Variants in RGS5 observed in about 807,000 individuals in gnomAD.
RGS5 encodes the protein regulator of G-protein signalling 5.
In RGS5, 20 loss-of-function variants were observed where a neutral mutation model predicts 18.9. The ratio of observed to expected loss-of-function variants is 1.06; its 90% CI spans 0.74 to 1.54. RGS5 has a LOEUF of 1.54. RGS5 is among the 40% of genes most tolerant of loss of function. RGS5 has a pLI of 0.00. For missense variants in RGS5, 201 were observed against 211.8 expected (o/e 0.95, Z 0.32); for synonymous variants, 57 against 76.2 (o/e 0.75, Z 1.31).
chr1:163,265,944 C>A (rs1361520605), intron 2 of RGS5, among the ~76,000 whole-genome samples: 1 of 152,048 alleles, frequency 6.6e-6, no homozygotes, highest in African/African-American at 2.4e-5. Flanking sequence ...TTCAATCAAC[C>A]CCCAAATAAA....
chr1:163,202,582 A>G (rs1659815687), intron 1 of RGS5, among the ~76,000 whole-genome samples: 1 of 152,180 alleles, frequency 6.6e-6, no homozygotes, highest in Non-Finnish European at 1.5e-5. Flanking sequence ...GATGTATGAA[A>G]TACTCTATAT....
chr1:163,192,153 C>CT (rs1411281230), intron 1 of RGS5, among the ~76,000 whole-genome samples: 15 of 152,122 alleles, frequency 9.9e-5, no homozygotes, highest in Non-Finnish European at 1.9e-4. Context: ...TTTCCCGTGT[C>CT]TTATGAGACA....
chr1:163,210,958 G>C (rs1275727871), intron 1 of RGS5: 1 of 152,136 alleles, frequency 6.6e-6, no homozygotes, highest in Non-Finnish European at 1.5e-5. Flanking sequence ...TGGAGTGGGG[G>C]AATGAATAGT....
intron 1 of RGS5, among the ~76,000 whole-genome samples, chr1:163,195,894 AAATG>A (rs1659545071): frequency 1.3e-5 from 2 of 152,176 alleles, no homozygotes; most frequent in African/African-American, 4.8e-5. Flanking sequence ...ACTTCTGAGA[AAATG>A]AAGTTCAGAG....
Position 163,278,488 on chromosome 1 carries a change from C to G in RGS5, c.-281+27745G>C, listed in dbSNP as rs149791149. On this transcript the variant is annotated intron_variant, in intron 2 of 5. Coordinates refer to the RGS5 transcript ENST00000618415. The stretch of plus-strand genomic sequence containing the variant: ...GCTTAAGGGAGATCATTTTCAGGAC[C>G]TGAAAATAAAAGAATGATCTCTATT... Among the ~76,000 whole-genome samples the G allele has an allele frequency of 2.0e-3, 307 of 151,978 alleles. 1 individual carries two copies. Among genetic ancestry groups the G allele is most frequent in the African/African-American group, 7.3e-3 (302 of 41,448 alleles).
intron 2 of RGS5, among the ~76,000 whole-genome samples, chr1:163,271,360 C>A (rs1375666211): frequency 6.6e-6 from 1 of 152,056 alleles, no homozygotes; most frequent in Non-Finnish European, 1.5e-5. Flanking sequence ...GAAGGTAGAG[C>A]CCCCATGATG....
intron 2 of RGS5, among the ~76,000 whole-genome samples, chr1:163,270,287 G>A (rs1648683993): frequency 6.6e-6 from 1 of 150,784 alleles, no homozygotes; most frequent in Non-Finnish European, 1.5e-5. Context: ...TGAAGCAGGA[G>A]GCTCGCTTGA....
At chr1:163,253,691 G>A (rs1321036521) in intron 2 of RGS5, among the ~76,000 whole-genome samples, 4 of 151,136 alleles carry the variant, frequency 2.6e-5, no homozygotes, top group Non-Finnish European at 5.9e-5. Context: ...GGGTACATGT[G>A]CACAATGTGC....
rs1389428885 is a variant in RGS5, at chr1:163,152,588, T to C, written c.346A>G (p.Ile116Val). The change falls in exon 4 of 5, where the codon ATT becomes GTT. Residue 116 changes from isoleucine (I) to valine (V), a missense_variant. Transcript: ENST00000313961. ...TCCGTTTGAATGAATTCTTCATAAA[T>C]TTGCTTTGCCTTCTCAGCCATCTTG... ...PAKMAEKAKQIYEEFIQTEAP... is the reference protein window; with the variant it reads ...PAKMAEKAKQVYEEFIQTEAP... 6.2e-7 allele frequency: 1 copy of C among 1,612,914 alleles called. No individual in the cohort carries two copies. The highest frequency in any genetic ancestry group is 8.5e-7 in the Non-Finnish European group (1 of 1,179,314).
chr1:163,271,532 C>G (rs568706122), intron 2 of RGS5, among the ~76,000 whole-genome samples: 6 of 152,148 alleles, frequency 3.9e-5, no homozygotes, highest in Non-Finnish European at 8.8e-5. Flanking sequence ...CCTACAGAAC[C>G]ATGAGAAATA....
chr1:163,206,767 C>T (rs1659965103), upstream of RGS5: 1 of 152,114 alleles, frequency 6.6e-6, no homozygotes, highest in African/African-American at 2.4e-5. Context: ...CTGCTGGCAC[C>T]TTGATCTTGA....
intron 1 of RGS5, among the ~76,000 whole-genome samples, chr1:163,216,999 C>A (rs576412979): frequency 1.3e-5 from 2 of 152,116 alleles, no homozygotes; most frequent in Admixed American, 6.5e-5. Context: ...AACCAAATAC[C>A]GCATGGTCTC....
chr1:163,199,841 C>G (rs1190131325), intron 1 of RGS5, among the ~76,000 whole-genome samples: 4 of 151,922 alleles, frequency 2.6e-5, no homozygotes, highest in Non-Finnish European at 5.9e-5. Context: ...GGCTCTTGCT[C>G]TGTTACCCAG....
At chr1:163,291,926 T>G (rs1364953540) in intron 2 of RGS5, among the ~76,000 whole-genome samples, 1 of 152,206 alleles carries the variant, frequency 6.6e-6, no homozygotes, top group Non-Finnish European at 1.5e-5. Context: ...GTTTGTGCAG[T>G]GGGCAGGAAG....
chr1:163,319,055 A>G (rs943867567), intron 1 of RGS5: 3 of 152,204 alleles, frequency 2.0e-5, no homozygotes, highest in African/African-American at 7.2e-5. Flanking sequence ...TTCCTACCAC[A>G]TTAGACCAAG....
chr1:163,230,427 T>C (rs1454010793), intron 2 of RGS5, among the ~76,000 whole-genome samples: 1 of 151,600 alleles, frequency 6.6e-6, no homozygotes, highest in East Asian at 1.9e-4. Context: ...CAATAGGAGC[T>C]ATTATTACTT....
chr1:163,152,845 G>C, intron 3 of RGS5, 129 bp from the exon 4 acceptor site: 3 of 753,854 alleles, frequency 4.0e-6, no homozygotes, highest in Non-Finnish European at 6.0e-6. Context: ...TTCATGTCTA[G>C]CTTCCTTTAC....
chr1:163,303,530 T>A (rs1175919278), intron 2 of RGS5, among the ~76,000 whole-genome samples: 2 of 152,224 alleles, frequency 1.3e-5, no homozygotes, highest in African/African-American at 4.8e-5. Flanking sequence ...AGTAGAATCA[T>A]CAAAACGTCA....
At chr1:163,190,880 G>A (rs1413259696) in intron 1 of RGS5, among the ~76,000 whole-genome samples, 1 of 152,122 alleles carries the variant, frequency 6.6e-6, no homozygotes, top group African/African-American at 2.4e-5. Flanking sequence ...TACCCACATG[G>A]GGCACAGCTT....
Sources: allele counts gnomAD v4.1 joint callset (sites outside exome capture counted in the v4.1 genomes callset), GRCh38; gene constraint gnomAD v4.1.1; transcripts MANE v1.5; gene names NCBI Gene and HGNC (gene_info 2026-07-23, HGNC 2026-07-21).